The following MYO6 variants were observed in gnomAD, a reference collection of about 807,000 sequenced individuals.
The protein encoded by MYO6 is unconventional myosin-VI.
Under a neutral mutation model 178.7 loss-of-function variants are expected in MYO6, and 74 were observed. That is an observed-to-expected ratio of 0.41 (90% CI 0.34 to 0.50). The LOEUF (loss-of-function observed/expected upper bound fraction) is 0.50, where lower values mean the gene tolerates loss of function less well. Ranked by LOEUF, MYO6 falls within the 20% of genes least tolerant of loss-of-function variation. MYO6 has a pLI of 0.09. For synonymous variants in MYO6, 477 were observed against 504.6 expected, an observed-to-expected ratio of 0.95 and a Z score of 0.73; for missense variants, 1,330 against 1,547.4, an observed-to-expected ratio of 0.86 and a Z score of 2.36.
chr6:75,816,107 C>T (rs1437952677), intron 1 of MYO6, among the ~76,000 whole-genome samples: 2 of 152,198 alleles, frequency 1.3e-5, no homozygotes, highest in Non-Finnish European at 2.9e-5. Context: ...TAGGCAAAAA[C>T]TGTAAACAAT....
At chr6:75,891,428 C>G in intron 27 of MYO6, 122 bp downstream of exon 27, 4 of 591,794 alleles carry the variant, frequency 6.8e-6, no homozygotes, top group Non-Finnish European at 9.2e-6. Flanking sequence ...GTCAGGAGAT[C>G]AAGACCATCC....
At chr6:75,907,729 A>G (rs376110240) in intron 31 of MYO6, 21 bp downstream of exon 31, 1 of 1,575,144 alleles carries the variant, frequency 6.3e-7, no homozygotes, top group Non-Finnish European at 8.7e-7. Flanking sequence ...GGAGAAGATC[A>G]AAAATAGAAA....
intron 34 of MYO6, among the ~76,000 whole-genome samples, chr6:75,914,545 T>C (rs925892960): frequency 2.0e-5 from 3 of 152,162 alleles, no homozygotes; most frequent in African/African-American, 7.2e-5. Context: ...TATCCATTGA[T>C]TTGTAGTGGC....
intron 1 of MYO6, among the ~76,000 whole-genome samples, chr6:75,805,021 A>ATATTTTTTTTTTTT (rs1252912172): frequency 3.9e-5 from 3 of 77,284 alleles, no homozygotes; most frequent in East Asian, 5.6e-4. Context: ...ATATATATAT[A>ATATTTTTTTTTTTT]TTTTTTTTTT....
At chr6:75,762,337 A>G (rs1778026978) in intron 1 of MYO6, among the ~76,000 whole-genome samples, 1 of 152,138 alleles carries the variant, frequency 6.6e-6, no homozygotes, top group African/African-American at 2.4e-5. Context: ...TGAGGTGACT[A>G]TTCTTATTAT....
chr6:75,892,805 A>G, intron 28 of MYO6, 115 bp downstream of exon 28: 3 of 1,061,286 alleles, frequency 2.8e-6, no homozygotes, highest in Non-Finnish European at 4.0e-6. Context: ...AGGCCCTGAT[A>G]TATTTGAGCT....
chr6:75,863,398 TAGGTAG>T (rs558648485), intron 16 of MYO6, among the ~76,000 whole-genome samples: 133 of 152,068 alleles, frequency 8.7e-4, no homozygotes, highest in African/African-American at 3.0e-3. Flanking sequence ...ATAGAGAGAT[TAGGTAG>T]AGTAAAGAGA....
chr6:75,910,557 A>G (rs1426659282), intron 32 of MYO6, among the ~76,000 whole-genome samples: 1 of 152,202 alleles, frequency 6.6e-6, no homozygotes, highest in Admixed American at 6.5e-5. Flanking sequence ...TAAGGGTTCT[A>G]TCAAGGTTTA....
At chr6:75,894,732 G>T in intron 28 of MYO6, 4 of 868,748 alleles carry the variant, frequency 4.6e-6, no homozygotes, top group Non-Finnish European at 6.7e-6. Context: ...GCATGATGTT[G>T]TTGGGTTCTA....
intron 1 of MYO6, among the ~76,000 whole-genome samples, chr6:75,782,187 T>C (rs986655379): frequency 6.6e-6 from 1 of 152,162 alleles, no homozygotes; most frequent in Admixed American, 6.5e-5. Flanking sequence ...GACTTTGTGC[T>C]GGGGATTTTG....
At chr6:75,769,209 A>G (rs1220644067) in intron 1 of MYO6, among the ~76,000 whole-genome samples, 1 of 152,166 alleles carries the variant, frequency 6.6e-6, no homozygotes, top group Non-Finnish European at 1.5e-5. Context: ...TCCAAACCAT[A>G]TCTTTCCACC....
At chr6:75,788,581 T>C (rs538079455) in intron 1 of MYO6, among the ~76,000 whole-genome samples, 167 of 152,322 alleles carry the variant, frequency 1.1e-3, no homozygotes, top group African/African-American at 3.4e-3. Context: ...GGATATCCGA[T>C]TCATGTAATG....
At chr6:75,793,489 A>C (rs1768459182) in intron 1 of MYO6, among the ~76,000 whole-genome samples, 1 of 152,094 alleles carries the variant, frequency 6.6e-6, no homozygotes, top group African/African-American at 2.4e-5. Context: ...CTGTAATCCC[A>C]GCTACTTGGG....
At chr6:75,866,275 CTGTGTG>C (rs10687890) in intron 16 of MYO6, among the ~76,000 whole-genome samples, 269 of 119,214 alleles carry the variant, frequency 2.3e-3, no homozygotes, top group African/African-American at 6.9e-3. Context: ...GTCTCTGTCT[CTGTGTG>C]TGTGTGTGTG....
chr6:75,818,282 C>T (rs889222828), intron 2 of MYO6, among the ~76,000 whole-genome samples: 4 of 152,172 alleles, frequency 2.6e-5, no homozygotes, highest in African/African-American at 9.7e-5. Flanking sequence ...GACTCGTTTA[C>T]AGAGAAGGCA....
chr6:75,843,374 A>C (rs1271390145), intron 9 of MYO6, among the ~76,000 whole-genome samples: 1 of 152,252 alleles, frequency 6.6e-6, no homozygotes, highest in Non-Finnish European at 1.5e-5. Flanking sequence ...AAATGTTTGC[A>C]TTTAGACATT....
At chr6:75,797,222 C>T (rs1007802690) in intron 1 of MYO6, among the ~76,000 whole-genome samples, 17 of 152,032 alleles carry the variant, frequency 1.1e-4, no homozygotes, top group Admixed American at 2.6e-4. Flanking sequence ...CCTGAGTAGC[C>T]GGGATTACAG....
intron 9 of MYO6, among the ~76,000 whole-genome samples, 157 bp from the exon 10 acceptor site, chr6:75,844,740 A>G (rs887825307): frequency 6.6e-6 from 1 of 152,128 alleles, no homozygotes; most frequent in Non-Finnish European, 1.5e-5. Flanking sequence ...ATGCTTATAA[A>G]ATATAGAAGT....
intron 1 of MYO6, among the ~76,000 whole-genome samples, chr6:75,762,735 A>G (rs1338991241): frequency 6.6e-6 from 1 of 152,190 alleles, no homozygotes; most frequent in Non-Finnish European, 1.5e-5. Flanking sequence ...CCTAGACCCA[A>G]ATCTAAGCCA....
Sources: gnomAD v4.1 joint callset for allele counts (sites outside exome capture counted in the v4.1 genomes callset) on GRCh38, gnomAD v4.1.1 for gene constraint, MANE v1.5 for transcripts, NCBI Gene and HGNC (gene_info 2026-07-23, HGNC 2026-07-21) for gene names.